EPB41L5: variants seen among roughly 807,000 people sequenced by gnomAD.
EPB41L5 encodes band 4.1-like protein 5.
In EPB41L5, 55 loss-of-function variants were observed where a neutral mutation model predicts 106.6. The ratio of observed to expected loss-of-function variants is 0.52; its 90% CI spans 0.42 to 0.65. EPB41L5 has a LOEUF of 0.65. EPB41L5 is among the 30% of genes least tolerant of loss of function. The probability of loss-of-function intolerance (pLI) is 0.00; values close to 1 mark genes in which losing one functional copy is unlikely to be tolerated. For missense variants in EPB41L5, 871 were observed against 882.1 expected, an observed-to-expected ratio of 0.99 and a Z score of 0.16; for synonymous variants, 297 against 306.7, an observed-to-expected ratio of 0.97 and a Z score of 0.33.
chr2:120,130,312 A>T (rs1253810614), intron 17 of EPB41L5, among the ~76,000 whole-genome samples: 1 of 152,230 alleles, frequency 6.6e-6, no homozygotes, highest in East Asian at 1.9e-4. Flanking sequence ...TTTGCTCAAA[A>T]TCAATCAGTG....
In EPB41L5 at chr2:120,081,952, T is replaced by C. The variant is rs182296593; in HGVS notation, c.803+3371T>C. On this transcript the variant is annotated intron_variant, in intron 10 of 24. Coordinates refer to ENST00000263713, the MANE Select transcript of EPB41L5 (RefSeq NM_020909.4). ...TAAGAATGCTTGTGATTTTTGCACATTGATTTTGTATACTGAGACTTTGCT... is the reference window on the plus strand; with the variant it reads ...TAAGAATGCTTGTGATTTTTGCACACTGATTTTGTATACTGAGACTTTGCT... 7.7e-3 allele frequency among the ~76,000 whole-genome samples: 1,168 copies of C among 152,354 alleles called. 12 individuals are homozygous for C. Among genetic ancestry groups the C allele is most frequent in the African/African-American group, 0.027 (1,107 of 41,570 alleles).
At chr2:120,083,861 T>C (rs1682868619) in intron 10 of EPB41L5, among the ~76,000 whole-genome samples, 1 of 152,218 alleles carries the variant, frequency 6.6e-6, no homozygotes, top group Non-Finnish European at 1.5e-5. Context: ...GTAATGGCCT[T>C]CTTTGTCTCT....
intron 24 of EPB41L5, among the ~76,000 whole-genome samples, chr2:120,172,482 T>C (rs1388217790): frequency 1.3e-5 from 2 of 152,216 alleles, no homozygotes; most frequent in African/African-American, 4.8e-5. Flanking sequence ...CAGTGTGCTT[T>C]CTGAATTCTG....
At position 120,146,266 on chromosome 2, in the gene EPB41L5, T is replaced by C; in HGVS notation, c.1770T>C (p.Asn590=). The part of the protein sequence containing the change: ...EDSLLSHKNA[N]VQDAATNSAV... Reference sequence around the variant, plus strand: ...GCTTATTAAGTCATAAAAATGCCAATGTTCAGGATGCTGCCACAAACAGGT... The same window carrying C: ...GCTTATTAAGTCATAAAAATGCCAACGTTCAGGATGCTGCCACAAACAGGT... Residue 590 remains asparagine (N), a synonymous_variant, in exon 20 of 25, where the codon AAT becomes AAC. Coordinates refer to ENST00000263713, the MANE Select transcript of EPB41L5 (RefSeq NM_020909.4). 6.2e-7 allele frequency: 1 copy of C among 1,610,070 alleles called. No individual in the cohort carries two copies. The highest frequency in any genetic ancestry group is 8.5e-7 in the Non-Finnish European group (1 of 1,176,586).
chr2:120,048,397 A>C (rs147485200), intron 3 of EPB41L5, among the ~76,000 whole-genome samples: 3 of 152,172 alleles, frequency 2.0e-5, no homozygotes, highest in African/African-American at 7.2e-5. Flanking sequence ...GGGAGGGTGT[A>C]TGTGTCCAGG....
intron 20 of EPB41L5, among the ~76,000 whole-genome samples, chr2:120,148,497 A>G (rs1201316816): frequency 6.6e-6 from 1 of 151,942 alleles, no homozygotes; most frequent in Non-Finnish European, 1.5e-5. Flanking sequence ...CAAACACTTT[A>G]CCCATTAGCA....
chr2:120,168,114 A>G (rs1687499362), intron 24 of EPB41L5, 107 bp downstream of exon 24: 1 of 1,295,060 alleles, frequency 7.7e-7, no homozygotes, highest in Admixed American at 2.4e-5. Flanking sequence ...CCCTAACTGA[A>G]CTATATTGAA....
At chr2:120,097,700 G>A (rs542806914) in intron 14 of EPB41L5, among the ~76,000 whole-genome samples, 3 of 152,278 alleles carry the variant, frequency 2.0e-5, no homozygotes, top group African/African-American at 7.2e-5. Context: ...GGTATACTAT[G>A]TAAAAGCAAA....
Position 120,074,117 on chromosome 2 carries a change from C to T in EPB41L5, c.346C>T (p.Leu116=). Residue 116 remains leucine, a synonymous_variant, in exon 5 of 25, where the codon CTG becomes TTG. Transcript: ENST00000263713. ...AATGACAGTTGGTTCACCCTATTGT[C>T]TGCATCTTCGAGTTAAGTTTTATTC... ...KQVKIGSPYC[L]HLRVKFYSSE... 6.2e-7 allele frequency: 1 copy of T among 1,609,884 alleles called. No individual in the cohort carries two copies. The highest frequency in any genetic ancestry group is 8.5e-7 in the Non-Finnish European group (1 of 1,178,094).
At position 120,100,792 on chromosome 2, in the gene EPB41L5, A is replaced by G. The variant is rs1684098130; in HGVS notation, c.1315A>G (p.Thr439Ala). ...AGAGAATCTTCCACAGAGTCCTGGA[A>G]CAGACCAGCATGACAGGAAATGGTT... ...EIENLPQSPG[T>A]DQHDRKCIPL... The change falls in exon 16 of 25, where the codon ACA becomes GCA. Residue 439 changes from threonine to alanine, a missense_variant. Physicochemically the swap from Thr to Ala is moderately conservative, Grantham distance 58. Coordinates refer to ENST00000263713, the MANE Select transcript of EPB41L5 (RefSeq NM_020909.4). 1 of 1,605,512 alleles carries G rather than the reference A, an allele frequency of 6.2e-7. No homozygotes were observed. Among genetic ancestry groups the G allele is most frequent in the South Asian group, 1.1e-5 (1 of 90,628 alleles).
intron 16 of EPB41L5, chr2:120,106,949 C>T (rs1684489335): frequency 1.1e-6 from 1 of 912,292 alleles, no homozygotes. Flanking sequence ...TTGAAAAGCA[C>T]CTAGTATACA....
intron 18 of EPB41L5, among the ~76,000 whole-genome samples, chr2:120,140,428 A>G (rs1686121300): frequency 6.6e-6 from 1 of 152,056 alleles, no homozygotes; most frequent in African/African-American, 2.4e-5. Flanking sequence ...GTATACAAGT[A>G]CTATGTACCC....
chr2:120,174,721 T>C, intron 24 of EPB41L5, 120 bp from the exon 25 acceptor site: 2 of 813,194 alleles, frequency 2.5e-6, no homozygotes, highest in Non-Finnish European at 4.3e-6. Context: ...TACTACATAT[T>C]GACTTAGGTC....
chr2:120,089,803 TC>T (rs2105364009), intron 11 of EPB41L5, among the ~76,000 whole-genome samples: 1 of 152,208 alleles, frequency 6.6e-6, no homozygotes, highest in South Asian at 2.1e-4. Context: ...TAAGTTCATT[TC>T]CGGTTTTCTT....
intron 3 of EPB41L5, among the ~76,000 whole-genome samples, chr2:120,053,087 T>G (rs556018254): frequency 5.9e-5 from 9 of 152,236 alleles, no homozygotes; most frequent in African/African-American, 2.2e-4. Flanking sequence ...TATTTTTTAT[T>G]TTTATTTTTT....
chr2:120,159,454 A>G (rs11123547), intron 20 of EPB41L5, among the ~76,000 whole-genome samples: 84,723 of 148,330 alleles, frequency 0.57, 26,230 homozygotes, highest in Middle Eastern at 0.68. Flanking sequence ...GTGACAATCA[A>G]TATCATTAAA....
At chr2:120,038,596 A>G (rs12999860) in intron 2 of EPB41L5, among the ~76,000 whole-genome samples, 104,555 of 151,956 alleles carry the variant, frequency 0.69, 37,532 homozygotes, top group Non-Finnish European at 0.79. Context: ...ATCTCTACTA[A>G]AAATACAAAA....
At chr2:120,072,602 A>G (rs1014271990) in intron 3 of EPB41L5, among the ~76,000 whole-genome samples, 1 of 152,210 alleles carries the variant, frequency 6.6e-6, no homozygotes, top group Non-Finnish European at 1.5e-5. Context: ...ATGCAGCCAT[A>G]AAATAGGATG....
intron 3 of EPB41L5, among the ~76,000 whole-genome samples, chr2:120,068,428 A>G (rs1216829737): frequency 6.6e-6 from 1 of 152,170 alleles, no homozygotes. Flanking sequence ...TCTCACTCCC[A>G]TGGAGCCCAG....
Sources: gnomAD v4.1 joint callset for allele counts (sites outside exome capture counted in the v4.1 genomes callset) on GRCh38, gnomAD v4.1.1 for gene constraint, MANE v1.5 for transcripts, NCBI Gene and HGNC (gene_info 2026-07-23, HGNC 2026-07-21) for gene names.